Variants in TBXAS1 observed in about 807,000 individuals in gnomAD.
The protein encoded by TBXAS1 is thromboxane-A synthase.
In TBXAS1, 48 loss-of-function variants were observed where a neutral mutation model predicts 60.7. The ratio of observed to expected loss-of-function variants is 0.79; its 90% confidence interval spans 0.63 to 1.01. The LOEUF (loss-of-function observed/expected upper bound fraction) is 1.01. TBXAS1 is among the 50% of genes least tolerant of loss of function. TBXAS1 has a pLI of 0.00. For synonymous variants in TBXAS1, 287 were observed against 269.7 expected, an observed-to-expected ratio of 1.06 and a Z score of -0.63; for missense variants, 685 against 686.3, an observed-to-expected ratio of 1.00 and a Z score of 0.02.
intron 3 of TBXAS1, among the ~76,000 whole-genome samples, chr7:139,783,214 G>C (rs1312716143): frequency 6.6e-6 from 1 of 152,120 alleles, no homozygotes; most frequent in Non-Finnish European, 1.5e-5. Flanking sequence ...AAATTACACT[G>C]GCAAAATCAG....
chr7:139,796,131 T>C (rs1027580950), intron 4 of TBXAS1, among the ~76,000 whole-genome samples: 6 of 152,224 alleles, frequency 3.9e-5, no homozygotes, highest in African/African-American at 1.4e-4. Context: ...TATACTTTTA[T>C]ATCATTTTGC....
At position 139,866,305 on chromosome 7, in the gene TBXAS1, G is replaced by T. The variant is rs59445537; in HGVS notation, c.90-5930G>T. Among the ~76,000 whole-genome samples the T allele has an allele frequency of 2.0e-5, 3 of 152,134 alleles. No individual in the cohort carries two copies. The East Asian group carries it at 5.8e-4, about 29-fold the overall frequency. ...AAAGTAGCTAAAATATAGAAAACAC[G>T]CTAAGTATTTGACAATAAGAATGGT... On this transcript the variant is annotated intron_variant, in intron 1 of 12. Transcript: ENST00000448866.
intron 9 of TBXAS1, among the ~76,000 whole-genome samples, chr7:139,992,292 T>C (rs1255929996): frequency 2.0e-5 from 3 of 152,228 alleles, no homozygotes; most frequent in East Asian, 1.9e-4. Context: ...CTCTGAGGCA[T>C]GTGCTATCTG....
chr7:140,005,259 T>C (rs1409297130), intron 9 of TBXAS1, among the ~76,000 whole-genome samples: 2 of 152,112 alleles, frequency 1.3e-5, no homozygotes, highest in Non-Finnish European at 2.9e-5. Context: ...TGAAACCCCA[T>C]CTCTACTAAA....
Position 139,938,154 on chromosome 7 carries a change from C to T in TBXAS1, c.450+1847C>T, listed in dbSNP as rs1807957871. Among the ~76,000 whole-genome samples, 2 of 152,158 alleles carry T rather than the reference C, an allele frequency of 1.3e-5. 1 individual carries two copies. The highest frequency in any genetic ancestry group is 1.3e-4 in the Admixed American group (2 of 15,284). On this transcript the variant is annotated intron_variant, in intron 5 of 12. Coordinates refer to ENST00000448866, the MANE Select transcript of TBXAS1 (RefSeq NM_001061.7). The stretch of plus-strand genomic sequence containing the variant: ...GGGTGGCAGATGCCATCGGGGCTGG[C>T]CCGCGGCCCACATGTGCTCAATTCC...
At chr7:139,908,415 G>A (rs1318076485) in intron 3 of TBXAS1, among the ~76,000 whole-genome samples, 1 of 151,710 alleles carries the variant, frequency 6.6e-6, no homozygotes, top group African/African-American at 2.4e-5. Flanking sequence ...TCTGCTCCTT[G>A]TTTCATTTTT....
chr7:139,942,178 T>C lies in TBXAS1; in HGVS notation c.450+5871T>C, dbSNP rs1808343674. ...TGATGAATTTCAAGCTATGAATTAC[T>C]ACCAGGGAAAAGGATTTGAAATATG... is the stretch of plus-strand genomic sequence containing the variant. On this transcript the variant is annotated intron_variant, in intron 5 of 12. Coordinates refer to ENST00000448866, the MANE Select transcript of TBXAS1 (RefSeq NM_001061.7). 2.0e-5 allele frequency among the ~76,000 whole-genome samples: 3 copies of C among 152,338 alleles called. No homozygotes were observed. In the South Asian group the frequency reaches 6.2e-4, roughly 32 times the overall value.
intron 3 of TBXAS1, among the ~76,000 whole-genome samples, chr7:139,909,917 G>A (rs1172298102): frequency 1.3e-5 from 2 of 152,132 alleles, no homozygotes; most frequent in Admixed American, 6.5e-5. Context: ...CGGCACTCAC[G>A]GTTCCCCCAA....
chr7:139,843,121 C>T (rs1228922191), intron 1 of TBXAS1, among the ~76,000 whole-genome samples: 2 of 152,146 alleles, frequency 1.3e-5, no homozygotes, highest in African/African-American at 4.8e-5. Flanking sequence ...TGCCTGTTCC[C>T]TCCAAGCTGC....
intron 3 of TBXAS1, among the ~76,000 whole-genome samples, chr7:139,890,196 T>C (rs1584776969): frequency 1.4e-5 from 2 of 146,924 alleles, no homozygotes; most frequent in Middle Eastern, 7.0e-3. Flanking sequence ...GTGAGAAATT[T>C]AGGATGCAGT....
intron 4 of TBXAS1, among the ~76,000 whole-genome samples, chr7:139,801,624 C>G (rs1016290918): frequency 4.0e-5 from 6 of 151,722 alleles, no homozygotes; most frequent in African/African-American, 1.5e-4. Flanking sequence ...CACTTGCTAC[C>G]ATGCCCAGCT....
At chr7:139,955,700 G>C (rs1007781383) in intron 7 of TBXAS1, 93 bp downstream of exon 7, 43 of 1,576,536 alleles carry the variant, frequency 2.7e-5, no homozygotes, top group Non-Finnish European at 3.5e-5. Context: ...CTCTGTCCCT[G>C]CCACTGGGAA....
chr7:139,880,451 T>G (rs1198388563), intron 3 of TBXAS1, among the ~76,000 whole-genome samples: 2 of 152,286 alleles, frequency 1.3e-5, no homozygotes, highest in Non-Finnish European at 2.9e-5. Flanking sequence ...AGCATGAACT[T>G]TGTACATAAT....
intron 1 of TBXAS1, among the ~76,000 whole-genome samples, chr7:139,832,896 A>C (rs1569496429): frequency 6.6e-6 from 1 of 152,230 alleles, no homozygotes; most frequent in Non-Finnish European, 1.5e-5. Context: ...AGTCGTTTTC[A>C]GACAAACAAA....
At chr7:139,803,973 C>T (rs986348117) in intron 4 of TBXAS1, among the ~76,000 whole-genome samples, 1 of 152,170 alleles carries the variant, frequency 6.6e-6, no homozygotes, top group Non-Finnish European at 1.5e-5. Flanking sequence ...GTTTGGAACC[C>T]CCACATGGAG....
At chr7:139,955,387 C>T (rs1406193880) in intron 6 of TBXAS1, 72 bp from the exon 7 acceptor site, 3 of 1,603,134 alleles carry the variant, frequency 1.9e-6, no homozygotes, top group African/African-American at 2.7e-5. Flanking sequence ...AGGCCCTCCT[C>T]CTCTGGAGGG....
intron 5 of TBXAS1, among the ~76,000 whole-genome samples, chr7:139,943,320 G>A (rs922089538): frequency 8.5e-5 from 13 of 152,266 alleles, no homozygotes; most frequent in African/African-American, 3.1e-4. Flanking sequence ...ATCTAGCAGC[G>A]AGAGACCATT....
intron 3 of TBXAS1, among the ~76,000 whole-genome samples, chr7:139,907,644 T>C (rs1467537573): frequency 1.3e-5 from 2 of 152,136 alleles, no homozygotes; most frequent in African/African-American, 2.4e-5. Flanking sequence ...ATTAGAGAAT[T>C]GTACTCTCTA....
chr7:139,865,452 C>G, intron 1 of TBXAS1, among the ~76,000 whole-genome samples: 1 of 152,032 alleles, frequency 6.6e-6, no homozygotes, highest in East Asian at 1.9e-4. Context: ...CAGATATGTG[C>G]GTGGAGTCAG....
Sources: allele counts gnomAD v4.1 joint callset (sites outside exome capture counted in the v4.1 genomes callset), GRCh38; gene constraint gnomAD v4.1.1; transcripts MANE v1.5; gene names NCBI Gene and HGNC (gene_info 2026-07-23, HGNC 2026-07-21).